TAFA2: variants seen among roughly 807,000 people sequenced by gnomAD.
TAFA2 encodes chemokine-like protein TAFA-2.
A neutral mutation model predicts 18.8 loss-of-function variants in TAFA2; 7 were observed. The ratio of observed to expected loss-of-function variants is 0.37; its 90% CI spans 0.21 to 0.70. The LOEUF (loss-of-function observed/expected upper bound fraction) is 0.70, where lower values mean the gene tolerates loss of function less well. Ranked by LOEUF, TAFA2 falls within the 30% of genes least tolerant of loss-of-function variation. The pLI, the probability that TAFA2 is intolerant of heterozygous loss-of-function variation, is 0.53. For missense variants in TAFA2, 122 were observed against 158.1 expected, an observed-to-expected ratio of 0.77 and a Z score of 1.23; for synonymous variants, 60 against 54.2, an observed-to-expected ratio of 1.11 and a Z score of -0.47.
chr12:62,256,860 C>G (rs1288304524), intron 1 of TAFA2, among the ~76,000 whole-genome samples: 1 of 152,130 alleles, frequency 6.6e-6, no homozygotes, highest in Non-Finnish European at 1.5e-5. Context: ...ACTCCCCCGC[C>G]TTTCCACTGC....
At chr12:61,775,079 C>G (rs1444767640) in intron 2 of TAFA2, among the ~76,000 whole-genome samples, 1 of 151,708 alleles carries the variant, frequency 6.6e-6, no homozygotes, top group Non-Finnish European at 1.5e-5. Context: ...TGCTCCAAAT[C>G]ATGTGTCATC....
At chr12:62,158,237 A>G (rs527779342) in intron 1 of TAFA2, among the ~76,000 whole-genome samples, 165 of 152,328 alleles carry the variant, frequency 1.1e-3, no homozygotes, top group African/African-American at 3.0e-3. Context: ...TTTTGTTTCT[A>G]TTTAATATTT....
chr12:61,890,388 C>T (rs2121294393), intron 1 of TAFA2: 1 of 152,344 alleles, frequency 6.6e-6, no homozygotes, highest in South Asian at 2.1e-4. Flanking sequence ...CACAGCTTCC[C>T]CCAGTCACCC....
At chr12:61,871,125 A>T (rs1874585769) in intron 1 of TAFA2, among the ~76,000 whole-genome samples, 1 of 152,196 alleles carries the variant, frequency 6.6e-6, no homozygotes, top group African/African-American at 2.4e-5. Context: ...GGGGCATGCA[A>T]CAAGACAGAG....
intron 1 of TAFA2, among the ~76,000 whole-genome samples, chr12:62,049,202 C>CCCTT (rs1443885167): frequency 6.6e-6 from 1 of 152,062 alleles, no homozygotes; most frequent in East Asian, 1.9e-4. Context: ...GCCCCAGAAC[C>CCCTT]CCTTCTCCAC....
intron 1 of TAFA2, among the ~76,000 whole-genome samples, chr12:61,968,884 C>T (rs1228103200): frequency 6.6e-6 from 1 of 151,652 alleles, no homozygotes; most frequent in Admixed American, 6.6e-5. Flanking sequence ...GCTTTACAAA[C>T]ATGTAAAACT....
chr12:62,147,780 C>G (rs946911215), intron 1 of TAFA2, among the ~76,000 whole-genome samples: 4 of 148,936 alleles, frequency 2.7e-5, no homozygotes, highest in Admixed American at 1.3e-4. Flanking sequence ...AACAGACAAC[C>G]TACAGAATGT....
chr12:61,880,182 A>G lies in TAFA2; in HGVS notation c.-1-12756T>C, dbSNP rs1031560377. On this transcript the variant is annotated intron_variant, in intron 1 of 4. Transcript: ENST00000416284. ...GACAGCATGTACCAGATCAAGTATG[A>G]GGACCTGCAGATGCTGGCCAGGAAG... The G allele has an allele frequency of 1.1e-5, 6 of 533,608 alleles. No homozygotes were observed. The East Asian group carries it at 2.5e-4, about 22-fold the overall frequency. 33.1% of individuals were successfully genotyped at this position (533,608 alleles called of 1,614,324 possible).
Position 62,256,552 on chromosome 12 carries a change from G to GA in TAFA2, c.-130+2210dup, listed in dbSNP as rs563551192. ...ATCTAATCACTTTATTTTATAATAA[G>GA]AAAACGAATGGTCACAGAGAATAAA... is the stretch of plus-strand genomic sequence containing the variant. On this transcript the variant is annotated intron_variant, in intron 1 of 5. Transcript: ENST00000551619. Among the ~76,000 whole-genome samples the GA allele has an allele frequency of 5.0e-3, 764 of 152,212 alleles. 2 individuals carry two copies. The highest frequency in any genetic ancestry group is 9.0e-3 in the Non-Finnish European group (611 of 68,008).
At chr12:62,058,967 G>A (rs965283672) in intron 1 of TAFA2, among the ~76,000 whole-genome samples, 1 of 152,104 alleles carries the variant, frequency 6.6e-6, no homozygotes, top group Non-Finnish European at 1.5e-5. Context: ...GCCTGGCGTG[G>A]TGGCGGGCGC....
At chr12:61,903,044 C>T (rs1000643253) in intron 1 of TAFA2, among the ~76,000 whole-genome samples, 2 of 152,140 alleles carry the variant, frequency 1.3e-5, no homozygotes, top group East Asian at 1.9e-4. Context: ...CAACAATGAA[C>T]TCCTATCTGA....
intron 1 of TAFA2, among the ~76,000 whole-genome samples, chr12:62,214,695 A>G (rs192046746): frequency 2.1e-3 from 325 of 152,316 alleles, no homozygotes; most frequent in Non-Finnish European, 3.2e-3. Context: ...ACATGCACAC[A>G]CACAGCAATA....
chr12:61,925,170 A>C (rs966696579), intron 1 of TAFA2, among the ~76,000 whole-genome samples: 1 of 152,122 alleles, frequency 6.6e-6, no homozygotes, highest in African/African-American at 2.4e-5. Flanking sequence ...AATATTAGAC[A>C]GATCAACAAG....
chr12:61,791,251 G>T (rs1225512552), intron 2 of TAFA2, among the ~76,000 whole-genome samples: 1 of 151,718 alleles, frequency 6.6e-6, no homozygotes, highest in African/African-American at 2.4e-5. Context: ...CTATAAAACT[G>T]CTAGAAGAAA....
In TAFA2 at chr12:61,838,460, T is replaced by C. The variant is rs575849688; in HGVS notation, c.106+28860A>G. On this transcript the variant is annotated intron_variant, in intron 2 of 4. Coordinates refer to ENST00000416284, the MANE Select transcript of TAFA2 (RefSeq NM_178539.5). ...CATTCCAGACAGAGAAGACAATGTA[T>C]GTCAAGGCTAAAAGCAGACAGAAGA... Among the ~76,000 whole-genome samples, 12 of 152,066 alleles carry C rather than the reference T, an allele frequency of 7.9e-5. No individual in the cohort carries two copies. The South Asian group carries it at 2.5e-3, about 32-fold the overall frequency.
chr12:62,243,760 C>CT (rs2062873045), intron 1 of TAFA2, among the ~76,000 whole-genome samples: 1 of 152,340 alleles, frequency 6.6e-6, no homozygotes, highest in African/African-American at 2.4e-5. Flanking sequence ...ACAACATCTG[C>CT]TTTTTATTCC....
At chr12:62,065,964 T>C (rs1266225413) in intron 1 of TAFA2, among the ~76,000 whole-genome samples, 2 of 151,964 alleles carry the variant, frequency 1.3e-5, no homozygotes, top group Non-Finnish European at 2.9e-5. Context: ...CCAGTGCATG[T>C]AGGAAAAGCT....
intron 2 of TAFA2, among the ~76,000 whole-genome samples, chr12:61,781,394 T>C (rs1402653564): frequency 6.6e-6 from 1 of 151,796 alleles, no homozygotes; most frequent in Non-Finnish European, 1.5e-5. Context: ...GACATGCAGC[T>C]GCAAACACAG....
intron 1 of TAFA2, among the ~76,000 whole-genome samples, chr12:61,936,163 G>A (rs967767269): frequency 3.9e-5 from 6 of 152,114 alleles, no homozygotes; most frequent in African/African-American, 1.2e-4. Flanking sequence ...AGGAATACAG[G>A]AATGGCTTAA....
Sources: allele counts gnomAD v4.1 joint callset (sites outside exome capture counted in the v4.1 genomes callset), GRCh38; gene constraint gnomAD v4.1.1; transcripts MANE v1.5; gene names NCBI Gene and HGNC (gene_info 2026-07-23, HGNC 2026-07-21).